FER1L6: variants seen among roughly 807,000 people sequenced by gnomAD.
The protein encoded by FER1L6 is fer-1-like protein 6.
In FER1L6, 177 loss-of-function variants were observed where a neutral mutation model predicts 219.2. That is an observed-to-expected ratio of 0.81 (90% confidence interval 0.71 to 0.91). The LOEUF is 0.91. Among genes scored for constraint, FER1L6 ranks in the 40% least tolerant of loss-of-function variants. The pLI is 0.00. For missense variants in FER1L6, 2,153 were observed against 2,259.9 expected (o/e 0.95, Z 0.96); for synonymous variants, 768 against 824.3 (o/e 0.93, Z 1.17).
At chr8:123,891,013 A>G (rs908901155) in intron 1 of FER1L6, among the ~76,000 whole-genome samples, 1 of 152,100 alleles carries the variant, frequency 6.6e-6, no homozygotes, top group East Asian at 1.9e-4. Flanking sequence ...CTTGCCCTTA[A>G]GGAAATTATA....
chr8:124,080,805 C>T (rs891808594), intron 32 of FER1L6, among the ~76,000 whole-genome samples: 3 of 152,124 alleles, frequency 2.0e-5, no homozygotes, highest in African/African-American at 7.2e-5. Context: ...TGGCTGGAGG[C>T]TTCCTTGTGA....
intron 12 of FER1L6, among the ~76,000 whole-genome samples, chr8:124,000,831 C>G (rs1343908368): frequency 6.6e-6 from 1 of 152,166 alleles, no homozygotes; most frequent in Non-Finnish European, 1.5e-5. Flanking sequence ...TTAAGCCGTA[C>G]AGCTGGAAGC....
Position 123,886,260 on chromosome 8 carries a change from A to G in FER1L6, c.-8+34075A>G, listed in dbSNP as rs114515319. Among the ~76,000 whole-genome samples the G allele has an allele frequency of 6.6e-3, 997 of 152,174 alleles. 11 individuals are homozygous for G. The highest frequency in any genetic ancestry group is 0.02 in the African/African-American group (833 of 41,514). Reference sequence around the variant, plus strand: ...CACTCAAGTGGAAATTTGCTCCCCAATGTTGTGGTGTTGAGAGGTGTGGCC... The same window carrying G: ...CACTCAAGTGGAAATTTGCTCCCCAGTGTTGTGGTGTTGAGAGGTGTGGCC... On this transcript the variant is annotated intron_variant, in intron 1 of 40. Transcript: ENST00000522917.
chr8:123,927,107 T>C (rs907955315), intron 1 of FER1L6, among the ~76,000 whole-genome samples: 1 of 149,770 alleles, frequency 6.7e-6, no homozygotes, highest in African/African-American at 2.5e-5. Flanking sequence ...GTAAGAACAC[T>C]GGAGCCCAGA....
chr8:124,055,082 T>C (rs1210062835), intron 22 of FER1L6, among the ~76,000 whole-genome samples: 1 of 152,154 alleles, frequency 6.6e-6, no homozygotes, highest in Non-Finnish European at 1.5e-5. Flanking sequence ...AGATTTGACA[T>C]GTGAGGTTTA....
intron 1 of FER1L6, among the ~76,000 whole-genome samples, chr8:123,933,863 A>G (rs17270331): frequency 0.21 from 31,442 of 152,054 alleles, 3,485 homozygotes; most frequent in African/African-American, 0.25. Flanking sequence ...TATTTTGAGA[A>G]TCTGCAGAAG....
At chr8:123,857,120 A>C (rs1436050749) in intron 1 of FER1L6, among the ~76,000 whole-genome samples, 1 of 152,190 alleles carries the variant, frequency 6.6e-6, no homozygotes, top group Non-Finnish European at 1.5e-5. Context: ...TTTTCTTCCC[A>C]GCCCTGTGAA....
At position 123,853,636 on chromosome 8, in the gene FER1L6, C is replaced by T. The variant is rs1467245869; in HGVS notation, c.-8+1451C>T. On this transcript the variant is annotated intron_variant, in intron 1 of 40. Transcript: ENST00000522917. The surrounding 1 kb of genome is among the most constrained non-coding windows in gnomAD (Gnocchi z 6.6). ...TAGAGAAAAAGGGGTAGGTACGCCTCACCACGGGCAAGCGTGGAGTAACAT... is the reference window on the plus strand; with the variant it reads ...TAGAGAAAAAGGGGTAGGTACGCCTTACCACGGGCAAGCGTGGAGTAACAT... Among the ~76,000 whole-genome samples the T allele has an allele frequency of 6.6e-6, 1 of 152,154 alleles. No individual in the cohort carries two copies. Among genetic ancestry groups the T allele is most frequent in the Non-Finnish European group, 1.5e-5 (1 of 68,034 alleles).
intron 1 of FER1L6, among the ~76,000 whole-genome samples, chr8:123,922,964 T>A (rs898631748): frequency 4.6e-5 from 6 of 129,428 alleles, no homozygotes; most frequent in Non-Finnish European, 9.8e-5. Context: ...ATAGCTGAGA[T>A]TTATACAGCC....
chr8:124,018,961 C>G (rs1818328950), intron 16 of FER1L6, among the ~76,000 whole-genome samples: 1 of 152,208 alleles, frequency 6.6e-6, no homozygotes, highest in African/African-American at 2.4e-5. Context: ...TTCAGAGTCA[C>G]TGTCTAAACT....
chr8:123,976,111 C>T, intron 9 of FER1L6, 27 bp downstream of exon 9: 1 of 1,547,188 alleles, frequency 6.5e-7, no homozygotes, highest in Non-Finnish European at 8.8e-7. Flanking sequence ...ACTAACACTG[C>T]CTGCTAGGCC....
At chr8:124,044,116 C>A (rs1031149003) in intron 20 of FER1L6, among the ~76,000 whole-genome samples, 5 of 152,228 alleles carry the variant, frequency 3.3e-5, no homozygotes, top group Non-Finnish European at 5.9e-5. Flanking sequence ...AGGAAAGATG[C>A]TGTGAAGATC....
intron 1 of FER1L6, among the ~76,000 whole-genome samples, chr8:123,859,850 A>G (rs1056493402): frequency 1.2e-4 from 18 of 145,364 alleles, no homozygotes; most frequent in African/African-American, 4.1e-4. Flanking sequence ...ATGATTTCCA[A>G]TTTCATCCAT....
chr8:124,048,497 A>G (rs911318385), intron 21 of FER1L6, among the ~76,000 whole-genome samples: 1 of 152,212 alleles, frequency 6.6e-6, no homozygotes, highest in Admixed American at 6.5e-5. Context: ...AAGAGGCAGG[A>G]AGCAGAGCCA....
chr8:123,880,962 A>G (rs532755859), intron 1 of FER1L6, among the ~76,000 whole-genome samples: 1 of 152,256 alleles, frequency 6.6e-6, no homozygotes, highest in East Asian at 1.9e-4. Flanking sequence ...GCTGAGCTTT[A>G]TTGCACGTCA....
In FER1L6 at chr8:124,118,154, C is replaced by T. The variant is rs531786177; in HGVS notation, c.5290-690C>T. 6.4e-4 allele frequency among the ~76,000 whole-genome samples: 98 copies of T among 152,208 alleles called. 1 individual carries two copies. Among genetic ancestry groups the T allele is most frequent in the Non-Finnish European group, 1.3e-3 (88 of 68,008 alleles). On this transcript the variant is annotated intron_variant, in intron 39 of 40. Coordinates refer to ENST00000522917, the MANE Select transcript of FER1L6 (RefSeq NM_001039112.2). ...GCATACAAAGGATCCCCAAAAGTGC[C>T]GAATGAAGGCGTGAACAAGAGAAAA...
intron 1 of FER1L6, among the ~76,000 whole-genome samples, chr8:123,942,358 G>A (rs1814275704): frequency 6.6e-6 from 1 of 152,234 alleles, no homozygotes; most frequent in Non-Finnish European, 1.5e-5. Flanking sequence ...GCACAATGGA[G>A]AGGGCCCAGC....
chr8:123,994,681 G>T (rs948351561), intron 12 of FER1L6, among the ~76,000 whole-genome samples: 3 of 152,168 alleles, frequency 2.0e-5, no homozygotes, highest in African/African-American at 7.2e-5. Context: ...AGCACTTGTG[G>T]CTGCAACACG....
At chr8:123,856,886 C>A (rs76200906) in intron 1 of FER1L6, among the ~76,000 whole-genome samples, 6 of 152,076 alleles carry the variant, frequency 3.9e-5, no homozygotes, top group Admixed American at 3.9e-4. Flanking sequence ...GCAAGCTGGG[C>A]GGGTCAGATG....
Sources: allele counts gnomAD v4.1 joint callset (sites outside exome capture counted in the v4.1 genomes callset), GRCh38; gene constraint gnomAD v4.1.1; non-coding constraint Gnocchi (gnomAD v3.1); transcripts MANE v1.5; gene names NCBI Gene and HGNC (gene_info 2026-07-23, HGNC 2026-07-21).